PRKAR1B: variants seen among roughly 807,000 people sequenced by gnomAD.
PRKAR1B encodes the protein protein kinase cAMP-dependent type I regulatory subunit beta, also known as cAMP-dependent protein kinase type I-beta regulatory subunit.
A neutral mutation model predicts 46.5 loss-of-function variants in PRKAR1B; 22 were observed. The ratio of observed to expected loss-of-function variants is 0.47; its 90% confidence interval spans 0.34 to 0.68. The LOEUF (loss-of-function observed/expected upper bound fraction) is 0.68, where lower values mean the gene tolerates loss of function less well. PRKAR1B is among the 30% of genes least tolerant of loss of function. PRKAR1B has a pLI of 0.01. For synonymous variants in PRKAR1B, 259 were observed against 217.7 expected (o/e 1.19, Z -1.67); for missense variants, 445 against 535.6 (o/e 0.83, Z 1.67).
intron 8 of PRKAR1B, among the ~76,000 whole-genome samples, chr7:584,154 G>A (rs1387612776): frequency 6.6e-6 from 1 of 152,208 alleles, no homozygotes; most frequent in Non-Finnish European, 1.5e-5. Context: ...TGTACCGGGA[G>A]CCAACACTGG....
At chr7:673,063 A>AAC (rs1786362149) in intron 4 of PRKAR1B, among the ~76,000 whole-genome samples, 5 of 138,416 alleles carry the variant, frequency 3.6e-5, no homozygotes, top group South Asian at 2.4e-4. Flanking sequence ...AAAAAAAAAA[A>AAC]AAAAAAAAAA....
intron 2 of PRKAR1B, among the ~76,000 whole-genome samples, chr7:687,388 A>T (rs1490044682): frequency 6.6e-6 from 1 of 152,208 alleles, no homozygotes; most frequent in Non-Finnish European, 1.5e-5. Flanking sequence ...ACTATAAGGC[A>T]CGTGGAAATG....
At chr7:578,246 C>T (rs185427601) in intron 9 of PRKAR1B, among the ~76,000 whole-genome samples, 140 of 149,850 alleles carry the variant, frequency 9.3e-4, no homozygotes, top group African/African-American at 3.3e-3. Context: ...AGTTCACACG[C>T]GAATTCCTGC....
chr7:631,988 G>A (rs981738097), intron 4 of PRKAR1B, among the ~76,000 whole-genome samples: 1 of 151,620 alleles, frequency 6.6e-6, no homozygotes, highest in Admixed American at 6.6e-5. Context: ...AGAGCACCTT[G>A]TGTCCCGATC....
intron 4 of PRKAR1B, among the ~76,000 whole-genome samples, chr7:670,513 G>C (rs1230206622): frequency 6.8e-6 from 1 of 147,496 alleles, no homozygotes; most frequent in Admixed American, 6.6e-5. Flanking sequence ...TCAGGACCGA[G>C]GACGGCCTCT....
chr7:685,365 C>CGTATATATACGTATATATATGTAT (rs1779023732), intron 2 of PRKAR1B, among the ~76,000 whole-genome samples: 1 of 41,554 alleles, frequency 2.4e-5, no homozygotes, highest in Non-Finnish European at 4.1e-5. Context: ...TATATATATA[C>CGTATATATACGTATATATATGTAT]ACATATATAT....
At chr7:655,376 G>T (rs1160665363) in intron 4 of PRKAR1B, among the ~76,000 whole-genome samples, 1 of 152,120 alleles carries the variant, frequency 6.6e-6, no homozygotes, top group Non-Finnish European at 1.5e-5. Flanking sequence ...TGACCACAGG[G>T]CCTTTGCACC....
chr7:591,573 G>C (rs140846268), intron 7 of PRKAR1B, among the ~76,000 whole-genome samples: 3 of 152,234 alleles, frequency 2.0e-5, no homozygotes, highest in Non-Finnish European at 4.4e-5. Context: ...ACGGCTGCCA[G>C]GTGCAGCAGC....
chr7:699,860 G>C (rs1253057550), intron 2 of PRKAR1B, among the ~76,000 whole-genome samples: 1 of 152,146 alleles, frequency 6.6e-6, no homozygotes, highest in Non-Finnish European at 1.5e-5. Context: ...AGGGGGAGCA[G>C]TTCAATTTGT....
intron 4 of PRKAR1B, among the ~76,000 whole-genome samples, chr7:628,632 G>C (rs1783549544): frequency 6.6e-6 from 1 of 152,226 alleles, no homozygotes; most frequent in South Asian, 2.1e-4. Flanking sequence ...GATTGGACCA[G>C]GGTCAGGCCG....
rs188421656 is a variant in PRKAR1B at position 628,407 on chromosome 7, C to A, written c.441-20955G>T. 2.0e-5 allele frequency among the ~76,000 whole-genome samples: 3 copies of A among 152,358 alleles called. No individual in the cohort carries two copies. The East Asian group carries it at 5.8e-4, about 29-fold the overall frequency. ...AGCAGAGGGCAGGCGGGGTCCCCTC[C>A]AGAGGCCTCTCTCCAGACTGGGATG... On this transcript the variant is annotated intron_variant, in intron 4 of 10. Transcript: ENST00000537384.
At chr7:694,056 G>A (rs181855969) in intron 2 of PRKAR1B, among the ~76,000 whole-genome samples, 38 of 152,298 alleles carry the variant, frequency 2.5e-4, no homozygotes, top group African/African-American at 8.7e-4. Context: ...AGGCCGAGGT[G>A]GGCAGATCAC....
chr7:648,717 G>A (rs755963649), intron 4 of PRKAR1B, among the ~76,000 whole-genome samples: 27 of 152,288 alleles, frequency 1.8e-4, no homozygotes, highest in Middle Eastern at 6.8e-3. Flanking sequence ...AGAAGGCAGA[G>A]GTTGCAGTGA....
intron 8 of PRKAR1B, among the ~76,000 whole-genome samples, chr7:580,158 G>A (rs1307253964): frequency 6.6e-6 from 1 of 151,580 alleles, no homozygotes; most frequent in Non-Finnish European, 1.5e-5. Flanking sequence ...TTGAGCGCGG[G>A]AGGTCGCGGC....
chr7:719,229 G>A (rs769324726), intron 1 of PRKAR1B, among the ~76,000 whole-genome samples: 3 of 151,898 alleles, frequency 2.0e-5, no homozygotes, highest in South Asian at 2.1e-4. Flanking sequence ...TAGTAGAGAC[G>A]CGGTTTCACC....
chr7:606,996 A>C (rs1782122371), intron 5 of PRKAR1B, among the ~76,000 whole-genome samples: 1 of 152,098 alleles, frequency 6.6e-6, no homozygotes, highest in South Asian at 2.1e-4. Flanking sequence ...TGTATGTACA[A>C]GTCTATATAT....
At chr7:670,820 T>C (rs1316587024) in intron 4 of PRKAR1B, among the ~76,000 whole-genome samples, 1 of 108,468 alleles carries the variant, frequency 9.2e-6, no homozygotes, top group Non-Finnish European at 1.9e-5. Context: ...TCCCACGCCG[T>C]GGCATCCGGC....
rs542667856 is a variant in PRKAR1B, at chr7:591,367, C to G, written c.708+4779G>C. On this transcript the variant is annotated intron_variant, in intron 7 of 10. Transcript: ENST00000537384. ...TTTGTGTGGGAAAAGGCAGGTGACC[C>G]CCATTTCCAGGTACAGGGCTTCCTC... Among the ~76,000 whole-genome samples the G allele has an allele frequency of 8.5e-5, 13 of 152,330 alleles. No homozygotes were observed. In the East Asian group the frequency reaches 2.3e-3, roughly 27 times the overall value.
intron 10 of PRKAR1B, 21 bp downstream of exon 10, chr7:551,368 G>A (rs766513476): frequency 2.6e-6 from 4 of 1,549,730 alleles, no homozygotes; most frequent in African/African-American, 2.7e-5. Context: ...GTGCGAGGGA[G>A]GGGACGCCCA....
Sources: gnomAD v4.1 joint callset for allele counts (sites outside exome capture counted in the v4.1 genomes callset) on GRCh38, gnomAD v4.1.1 for gene constraint, MANE v1.5 for transcripts, NCBI Gene and HGNC (gene_info 2026-07-23, HGNC 2026-07-21) for gene names.